The following NBEAL1 variants were observed in gnomAD, a reference collection of about 807,000 sequenced individuals.
NBEAL1 encodes the protein neurobeachin like 1.
A neutral mutation model predicts 351.3 loss-of-function variants in NBEAL1; 273 were observed. The ratio of observed to expected loss-of-function variants is 0.78; its 90% CI spans 0.70 to 0.86. NBEAL1 has a LOEUF of 0.86. Among genes scored for constraint, NBEAL1 ranks in the 40% least tolerant of loss-of-function variants. The pLI, the probability that NBEAL1 is intolerant of heterozygous loss-of-function variation, is 0.00. For missense variants in NBEAL1, 2,961 were observed against 3,201.3 expected, an observed-to-expected ratio of 0.92 and a Z score of 1.81; for synonymous variants, 1,050 against 1,086.4, an observed-to-expected ratio of 0.97 and a Z score of 0.66.
chr2:203,115,963 T>C (rs72934548), intron 17 of NBEAL1, 22 bp from the exon 18 acceptor site: 18 of 1,479,134 alleles, frequency 1.2e-5, no homozygotes, highest in Non-Finnish European at 1.7e-5. Context: ...ATGGTGTGTA[T>C]GTGTGTGTAA....
intron 33 of NBEAL1, among the ~76,000 whole-genome samples, chr2:203,147,594 A>G (rs549371326): frequency 6.6e-6 from 1 of 152,260 alleles, no homozygotes; most frequent in African/African-American, 2.4e-5. Context: ...TTTAAGGTGT[A>G]TATATTTGGT....
chr2:203,060,396 A>T (rs2061479298), intron 6 of NBEAL1, among the ~76,000 whole-genome samples: 1 of 152,188 alleles, frequency 6.6e-6, no homozygotes, highest in South Asian at 2.1e-4. Context: ...TATACGGATA[A>T]CCAAAACTTG....
chr2:203,068,476 G>GT lies in NBEAL1; in HGVS notation c.598+2dup. ...GTGGAATTCGTCCCTTTCTTTTATC[G>GT]TAAGTAACACCTCTAATTTCTCTTG... is the stretch of plus-strand genomic sequence containing the variant. On this transcript the variant is annotated splice_donor_variant, in intron 7 of 55. Coordinates refer to ENST00000683969, the MANE Select transcript of NBEAL1 (RefSeq NM_001378026.1). LOFTEE classifies it high-confidence loss of function. The GT allele has an allele frequency of 3.3e-6, 5 of 1,512,000 alleles. No homozygotes were observed. The highest frequency in any genetic ancestry group is 1.2e-5 in the South Asian group (1 of 82,518). The allele number at this position is 1,512,000 out of a possible 1,614,324, so 93.7% of individuals were successfully genotyped here.
At chr2:203,023,632 CA>C (rs146887391) in intron 2 of NBEAL1, among the ~76,000 whole-genome samples, 2 of 143,818 alleles carry the variant, frequency 1.4e-5, no homozygotes, top group East Asian at 2.0e-4. Context: ...TTGTTTCGGA[CA>C]AAAAAAAACA....
chr2:203,111,698 T>C (rs1305557044), intron 15 of NBEAL1, among the ~76,000 whole-genome samples: 2 of 152,198 alleles, frequency 1.3e-5, no homozygotes, highest in Non-Finnish European at 2.9e-5. Flanking sequence ...TTTTCTAAAA[T>C]ATAAAATGCT....
At chr2:203,099,839 C>T (rs549259500) in intron 12 of NBEAL1, 127 bp downstream of exon 12, 8 of 621,810 alleles carry the variant, frequency 1.3e-5, no homozygotes, top group African/African-American at 9.3e-5. Context: ...ATTATTTTGC[C>T]ACCCAGGTAA....
At chr2:203,200,655 C>G (rs1377814665) in intron 49 of NBEAL1, among the ~76,000 whole-genome samples, 1 of 152,164 alleles carries the variant, frequency 6.6e-6, no homozygotes, top group South Asian at 2.1e-4. Flanking sequence ...GATTGCGCCA[C>G]TGCACTTCAG....
chr2:203,159,589 A>G (rs2063891163), intron 36 of NBEAL1, among the ~76,000 whole-genome samples: 1 of 152,118 alleles, frequency 6.6e-6, no homozygotes, highest in African/African-American at 2.4e-5. Flanking sequence ...ATAACCATTT[A>G]TGGTTATCCA....
At chr2:203,118,931 A>G (rs1316522220) in intron 18 of NBEAL1, among the ~76,000 whole-genome samples, 1 of 151,480 alleles carries the variant, frequency 6.6e-6, no homozygotes, top group Non-Finnish European at 1.5e-5. Flanking sequence ...TTCTTTTTAC[A>G]AAGTAACTTT....
intron 10 of NBEAL1, among the ~76,000 whole-genome samples, chr2:203,096,062 C>A (rs2062177701): frequency 6.6e-6 from 1 of 152,134 alleles, no homozygotes; most frequent in African/African-American, 2.4e-5. Flanking sequence ...CAGCTGACAC[C>A]TTTCATTTGT....
At chr2:203,214,323 C>T (rs186794334) in intron 55 of NBEAL1, among the ~76,000 whole-genome samples, 116 of 152,208 alleles carry the variant, frequency 7.6e-4, no homozygotes, top group Middle Eastern at 3.4e-3. Flanking sequence ...TGGGATCTGT[C>T]GGGGTTATTT....
chr2:203,175,817 C>T (rs2106424363), intron 42 of NBEAL1, among the ~76,000 whole-genome samples: 1 of 152,278 alleles, frequency 6.6e-6, no homozygotes, highest in East Asian at 1.9e-4. Flanking sequence ...CTCCACATAG[C>T]TCCCTATTTA....
chr2:203,184,893 A>AT lies in NBEAL1; in HGVS notation c.6705+1508dup, dbSNP rs200585976. Among the ~76,000 whole-genome samples, 318 of 146,936 alleles carry AT rather than the reference A, an allele frequency of 2.2e-3. 5 individuals carry two copies. In the South Asian group the frequency reaches 0.03, roughly 14 times the overall value. ...CCTGGGCAATATAGCAAGACCCTGT[A>AT]TTTAAAAAAAAAAAAAAAAAGTTTA... On this transcript the variant is annotated intron_variant, in intron 44 of 55. Coordinates refer to ENST00000683969, the MANE Select transcript of NBEAL1 (RefSeq NM_001378026.1).
intron 2 of NBEAL1, among the ~76,000 whole-genome samples, chr2:203,035,763 T>C (rs2061031466): frequency 6.7e-6 from 1 of 149,062 alleles, no homozygotes; most frequent in African/African-American, 2.4e-5. Flanking sequence ...AAGAGTAAAA[T>C]TTAAAATCAG....
chr2:203,215,162 C>A (rs1261640882), intron 55 of NBEAL1, among the ~76,000 whole-genome samples: 1 of 152,086 alleles, frequency 6.6e-6, no homozygotes, highest in African/African-American at 2.4e-5. Flanking sequence ...TCCAGGCCAT[C>A]TCAGCCAACA....
At chr2:203,166,646 A>C (rs1448321441) in intron 37 of NBEAL1, among the ~76,000 whole-genome samples, 1 of 152,110 alleles carries the variant, frequency 6.6e-6, no homozygotes, top group Admixed American at 6.5e-5. Context: ...TCCCGGGTTC[A>C]AGCGATTCTC....
chr2:203,050,086 G>A, intron 4 of NBEAL1, 111 bp downstream of exon 4: 1 of 984,322 alleles, frequency 1.0e-6, no homozygotes, highest in South Asian at 1.7e-5. Context: ...TGGTGGGTAG[G>A]GTGCTAGGAG....
At chr2:203,200,259 T>G (rs2065357814) in intron 49 of NBEAL1, among the ~76,000 whole-genome samples, 1 of 152,078 alleles carries the variant, frequency 6.6e-6, no homozygotes, top group Admixed American at 6.6e-5. Flanking sequence ...ACACCTGTAA[T>G]CCCAGCACTT....
intron 51 of NBEAL1, among the ~76,000 whole-genome samples, chr2:203,206,558 G>GGC (rs956929843): frequency 1.3e-5 from 2 of 150,760 alleles, no homozygotes; most frequent in African/African-American, 4.9e-5. Context: ...TGCAATTGCA[G>GGC]GCGCGCGCCG....
Sources: gnomAD v4.1 joint callset for allele counts (sites outside exome capture counted in the v4.1 genomes callset) on GRCh38, gnomAD v4.1.1 for gene constraint, MANE v1.5 for transcripts, NCBI Gene and HGNC (gene_info 2026-07-23, HGNC 2026-07-21) for gene names.